CABP5: variants seen among roughly 807,000 people sequenced by gnomAD.
CABP5 encodes the protein calcium binding protein 5.
Under a neutral mutation model 21.9 loss-of-function variants are expected in CABP5, and 17 were observed. The observed-to-expected ratio is 0.78, with a 90% CI of 0.53 to 1.17. CABP5 has a LOEUF of 1.17. Among genes scored for constraint, CABP5 ranks in the 50% most tolerant of loss-of-function variants. The probability of loss-of-function intolerance (pLI) is 0.00; values close to 1 mark genes in which losing one functional copy is unlikely to be tolerated. For synonymous variants in CABP5, 85 were observed against 79.4 expected, an observed-to-expected ratio of 1.07 and a Z score of -0.37; for missense variants, 229 against 228.9, an observed-to-expected ratio of 1.00 and a Z score of 0.00.
chr19:48,043,687 C>A (rs1967513142), intron 1 of CABP5, among the ~76,000 whole-genome samples, 173 bp downstream of exon 1: 1 of 150,598 alleles, frequency 6.6e-6, no homozygotes, highest in Non-Finnish European at 1.5e-5. Context: ...ACCCATTTAT[C>A]TCACTGGCTT....
chr19:48,041,335 T>C (rs2122378432), intron 2 of CABP5: 1 of 529,124 alleles, frequency 1.9e-6, no homozygotes, highest in Non-Finnish European at 3.3e-6. Context: ...AGAGAGAAAC[T>C]CATTTGTTTT....
intron 3 of CABP5, among the ~76,000 whole-genome samples, chr19:48,039,531 G>A (rs1967453078): frequency 1.3e-5 from 2 of 152,180 alleles, no homozygotes; most frequent in South Asian, 4.1e-4. Context: ...GGAAGTAACT[G>A]CCTGTGTGAC....
intron 4 of CABP5, among the ~76,000 whole-genome samples, chr19:48,038,099 T>C (rs1453258156): frequency 3.9e-5 from 6 of 152,162 alleles, no homozygotes; most frequent in African/African-American, 1.4e-4. Context: ...GCATTTTTAG[T>C]AGAGACGGGG....
rs764639819 is a variant in CABP5 at position 48,043,881 on chromosome 19, T to C, written c.42A>G (p.Lys14=). ...TCACCCGCTGTTTCTCAGCAATGCC[T>C]TTCCTCAAGAAGATGCAGGCGGGGC... is the stretch of plus-strand genomic sequence containing the variant. ...PMGPACIFLR[K]GIAEKQRERP... Residue 14 remains lysine, a synonymous_variant, in exon 1 of 6, where the codon AAA becomes AAG. Coordinates refer to ENST00000293255, the MANE Select transcript of CABP5 (RefSeq NM_019855.5). The C allele has an allele frequency of 8.7e-6, 13 of 1,495,854 alleles. No individual in the cohort carries two copies. The Middle Eastern group carries it at 7.1e-4, about 81-fold the overall frequency. 92.7% of individuals were successfully genotyped at this position (1,495,854 alleles called of 1,614,324 possible).
intron 5 of CABP5, among the ~76,000 whole-genome samples, chr19:48,031,715 C>A (rs1967342283): frequency 6.6e-6 from 1 of 152,086 alleles, no homozygotes; most frequent in Admixed American, 6.6e-5. Flanking sequence ...CAGGTTGCAC[C>A]TGACTTTGCT....
At chr19:48,033,133 C>G (rs1216158044) in intron 5 of CABP5, among the ~76,000 whole-genome samples, 1 of 151,582 alleles carries the variant, frequency 6.6e-6, no homozygotes, top group Non-Finnish European at 1.5e-5. Context: ...TCCCAAGTAG[C>G]TGGGATTACA....
intron 4 of CABP5, among the ~76,000 whole-genome samples, chr19:48,035,232 G>A (rs1967393798): frequency 6.6e-6 from 1 of 151,990 alleles, no homozygotes; most frequent in Non-Finnish European, 1.5e-5. Context: ...TTTGTGCCTG[G>A]CTTATATAGC....
intron 5 of CABP5, among the ~76,000 whole-genome samples, chr19:48,030,960 C>T (rs1043283376): frequency 5.9e-5 from 9 of 151,918 alleles, no homozygotes; most frequent in African/African-American, 1.9e-4. Context: ...ACACCCCCAA[C>T]TCTACAAAAA....
chr19:48,041,986 T>A (rs1600128859), intron 1 of CABP5, among the ~76,000 whole-genome samples: 1 of 152,272 alleles, frequency 6.6e-6, no homozygotes, highest in South Asian at 2.1e-4. Context: ...GTTTCCACAA[T>A]CATTTCATTT....
chr19:48,032,681 A>C (rs577067833), intron 5 of CABP5, among the ~76,000 whole-genome samples: 1 of 145,634 alleles, frequency 6.9e-6, no homozygotes, highest in Non-Finnish European at 1.5e-5. Context: ...CCCGGGCTGG[A>C]GTGCAGTGGT....
At chr19:48,040,839 A>C in intron 2 of CABP5, 91 bp from the exon 3 acceptor site, 1 of 1,306,944 alleles carries the variant, frequency 7.7e-7, no homozygotes, top group South Asian at 1.3e-5. Context: ...CTCCAACTAG[A>C]GACTCCTTAA....
intron 2 of CABP5, 124 bp downstream of exon 2, chr19:48,041,449 T>A: frequency 1.1e-6 from 1 of 934,130 alleles, no homozygotes; most frequent in Non-Finnish European, 1.7e-6. Flanking sequence ...TACAGTTGAG[T>A]GGGAAGAGAG....
At chr19:48,037,331 C>T (rs1967423724) in intron 4 of CABP5, among the ~76,000 whole-genome samples, 1 of 118,266 alleles carries the variant, frequency 8.5e-6, no homozygotes, top group African/African-American at 3.2e-5. Context: ...TGCAGTGGTG[C>T]GATCTTGGCT....
intron 4 of CABP5, among the ~76,000 whole-genome samples, chr19:48,037,259 CTTTTTTTTTTTTTT>C (rs57230665): frequency 2.2e-5 from 1 of 44,976 alleles, no homozygotes; most frequent in African/African-American, 7.3e-5. Context: ...TACTATTCAG[CTTTTTTTTTTTTTT>C]TTTTTTTTTT....
intron 3 of CABP5, among the ~76,000 whole-genome samples, chr19:48,039,906 G>T (rs1337644698): frequency 2.0e-5 from 3 of 151,460 alleles, no homozygotes; most frequent in Admixed American, 1.3e-4. Flanking sequence ...GTAGAGACGG[G>T]GTGTCACCAT....
Position 48,043,967 on chromosome 19 carries a change from C to G in CABP5, c.-45G>C, listed in dbSNP as rs1172925529. 2.0e-6 allele frequency: 3 copies of G among 1,475,896 alleles called. No homozygotes were observed. Among genetic ancestry groups the G allele is most frequent in the Middle Eastern group, 1.8e-4 (1 of 5,708 alleles). 91.4% of individuals were successfully genotyped at this position (1,475,896 alleles called of 1,614,324 possible). ...CGCAGGGCACCAGTCTCAAGATGGC[C>G]CCTCCTCCCTGCTCCCTGTCGGAGC... is the stretch of plus-strand genomic sequence containing the variant. On this transcript the variant is annotated 5_prime_UTR_variant, in exon 1 of 6. Transcript: ENST00000293255.
chr19:48,031,369 G>A (rs1385369084), intron 5 of CABP5, among the ~76,000 whole-genome samples: 6 of 151,928 alleles, frequency 3.9e-5, no homozygotes, highest in African/African-American at 4.8e-5. Context: ...GTGAAACCCC[G>A]TCTCTACTAA....
At chr19:48,035,335 T>C (rs1374506131) in intron 4 of CABP5, among the ~76,000 whole-genome samples, 2 of 152,238 alleles carry the variant, frequency 1.3e-5, no homozygotes, top group Non-Finnish European at 2.9e-5. Flanking sequence ...CAGTGGCTCA[T>C]GCCTGTAATC....
intron 4 of CABP5, among the ~76,000 whole-genome samples, chr19:48,035,698 G>A (rs182528140): frequency 6.6e-5 from 10 of 152,382 alleles, no homozygotes; most frequent in Middle Eastern, 3.4e-3. Context: ...AACAAGTGCC[G>A]TAAGGCAGGA....
Sources: allele counts gnomAD v4.1 joint callset (sites outside exome capture counted in the v4.1 genomes callset), GRCh38; gene constraint gnomAD v4.1.1; transcripts MANE v1.5; gene names NCBI Gene and HGNC (gene_info 2026-07-23, HGNC 2026-07-21).